Variants in COL20A1 observed in about 807,000 individuals in gnomAD.
COL20A1 encodes collagen alpha-1(XX) chain.
COL20A1 carries 164 observed loss-of-function variants against 152.9 expected under a neutral mutation model. The ratio of observed to expected loss-of-function variants is 1.07; its 90% CI spans 0.94 to 1.22. The LOEUF (loss-of-function observed/expected upper bound fraction) is 1.22. Among genes scored for constraint, COL20A1 ranks in the 50% most tolerant of loss-of-function variants. The pLI is 0.00. For missense variants in COL20A1, 1,873 were observed against 1,744.8 expected (o/e 1.07, Z -1.31); for synonymous variants, 864 against 756.0 (o/e 1.14, Z -2.34).
intron 3 of COL20A1, among the ~76,000 whole-genome samples, chr20:63,304,249 C>T (rs1287878538): frequency 3.5e-5 from 2 of 56,420 alleles, no homozygotes; most frequent in Admixed American, 2.2e-4. Context: ...TCCTCCCTCC[C>T]TTCCTCCCTC....
At position 63,305,077 on chromosome 20, in the gene COL20A1, G is replaced by T. The variant is rs749211874; in HGVS notation, c.194-340G>T. 2.6e-5 allele frequency among the ~76,000 whole-genome samples: 4 copies of T among 152,118 alleles called. No individual in the cohort carries two copies. Among genetic ancestry groups the T allele is most frequent in the Non-Finnish European group, 5.9e-5 (4 of 68,018 alleles). ...CCCCGGACTCTTCCTTCTTGGACCT[G>T]GCCCCTCGGGTCGTCATCCCCTCCC... On this transcript the variant is annotated intron_variant, in intron 3 of 35. Transcript: ENST00000358894. This position sits in a 1 kb window ranked among gnomAD's most constrained non-coding sequence, Gnocchi z 4.9.
chr20:63,321,013 A>G lies in COL20A1; in HGVS notation c.3154A>G (p.Arg1052Gly). 6.4e-7 allele frequency: 1 copy of G among 1,571,788 alleles called. No individual in the cohort carries two copies. Among genetic ancestry groups the G allele is most frequent in the African/African-American group, 1.4e-5 (1 of 73,814 alleles). Residue 1052 changes from arginine to glycine, a missense_variant and splice_region_variant, in exon 26 of 36, where the codon AGG (arginine) becomes GGG (glycine). Transcript: ENST00000358894. ...ATGGGCAGGGTCTCTCTTCTTCCAG[A>G]GGGATGGAGAGACCTGCCCCGCCTT... is the stretch of plus-strand genomic sequence containing the variant. Reference protein sequence around the residue: ...EDRCCELPASRDGETCPAFVS... With the variant: ...EDRCCELPASGDGETCPAFVS...
chr20:63,323,165 A>G (rs1019830461), intron 27 of COL20A1, among the ~76,000 whole-genome samples: 1 of 152,242 alleles, frequency 6.6e-6, no homozygotes, highest in Non-Finnish European at 1.5e-5. Context: ...AAAGTTGCCA[A>G]TATTTTCTTG....
chr20:63,330,188 G>T (rs2068314015), intron 35 of COL20A1, among the ~76,000 whole-genome samples: 1 of 152,126 alleles, frequency 6.6e-6, no homozygotes, highest in Non-Finnish European at 1.5e-5. Context: ...GACCCTGTGT[G>T]CAAACTTAGC....
chr20:63,313,319 C>G lies in COL20A1; in HGVS notation c.2209+70C>G, dbSNP rs181359490. On this transcript the variant is annotated intron_variant, in intron 17 of 35. Transcript: ENST00000358894. This position sits in a 1 kb window ranked among gnomAD's most constrained non-coding sequence, Gnocchi z 5.9. Reference sequence around the variant, plus strand: ...TGGCCCAGGGGATCCCTGACTCACCCGCTGCACAGGCCCAGGACCCTAGAC... The same window carrying G: ...TGGCCCAGGGGATCCCTGACTCACCGGCTGCACAGGCCCAGGACCCTAGAC... 76,223 of 1,505,238 alleles carry G rather than the reference C, an allele frequency of 0.051. 2,278 individuals carry two copies. Among genetic ancestry groups the G allele is most frequent in the South Asian group, 0.073 (5,749 of 79,240 alleles). 93.2% of individuals were successfully genotyped at this position (1,505,238 alleles called of 1,614,324 possible). A position where few individuals can be genotyped will look rare whatever the true frequency, so the allele number is the denominator to read the frequency against.
Position 63,295,253 on chromosome 20 carries a change from G to A in COL20A1, c.82+64G>A, listed in dbSNP as rs551578950. ...CCACGCCTGCCCCACCAGTGCCCAC[G>A]CGGGACGAGCCCTCCGCCCCTGAGC... On this transcript the variant is annotated intron_variant, in intron 2 of 35. Transcript: ENST00000358894. 286 of 1,094,672 alleles carry A rather than the reference G, an allele frequency of 2.6e-4. No homozygotes were observed. The African/African-American group carries it at 3.8e-3, about 14-fold the overall frequency. The allele number at this position is 1,094,672 out of a possible 1,614,324, so 67.8% of individuals were successfully genotyped here.
rs2068278526 is a variant in COL20A1 at position 63,328,094 on chromosome 20, C to T, written c.3580C>T (p.Leu1194Phe). The T allele has an allele frequency of 6.2e-7, 1 of 1,613,456 alleles. No homozygotes were observed. Among genetic ancestry groups the T allele is most frequent in the African/African-American group, 1.3e-5 (1 of 75,034 alleles). The change falls in exon 33 of 36, where the codon CTT becomes TTT. Residue 1194 changes from leucine to phenylalanine, a missense_variant. Coordinates refer to ENST00000358894, the MANE Select transcript of COL20A1 (RefSeq NM_020882.4). The part of the protein sequence containing the change: ...ERGEKGEPQS[L>F]ATLYQLVSQA... ...TCCCTTCCAGGGCGAGCCGCAGTCC[C>T]TTGCCACCCTCTACCAGCTTGTGAG... is the stretch of plus-strand genomic sequence containing the variant.
rs1021530774 is a variant in COL20A1, at chr20:63,328,132, G to A, written c.3613+5G>A. On this transcript the variant is annotated splice_donor_5th_base_variant and intron_variant, in intron 33 of 35. Transcript: ENST00000358894. ...ACCAGCTTGTGAGCCAGGCCTGTGA[G>A]TCTGCCATTCAGAGTGAGTGAGGCC... is the stretch of plus-strand genomic sequence containing the variant. 2 of 1,612,930 alleles carry A rather than the reference G, an allele frequency of 1.2e-6. No individual in the cohort carries two copies. Among genetic ancestry groups the A allele is most frequent in the African/African-American group, 1.3e-5 (1 of 74,896 alleles).
At chr20:63,325,078 T>C (rs1601439708) in intron 27 of COL20A1, 1 of 383,304 alleles carries the variant, frequency 2.6e-6, no homozygotes, top group East Asian at 6.5e-5. Flanking sequence ...CTGCTGTGGG[T>C]TCTCCCAGAC....
rs777924541 is a variant in COL20A1, at chr20:63,309,886, C to T, written c.1234C>T (p.Arg412Ter). 8 of 1,609,036 alleles carry T rather than the reference C, an allele frequency of 5.0e-6. No individual in the cohort carries two copies. In the South Asian group the frequency reaches 6.6e-5, roughly 13 times the overall value. ...CCCCCTCAAGTATCTGATCGTTTGG[C>T]GAGCCTCTAGAGGTGGCACCCCCAG... ...RHPLKYLIVW[R>*]ASRGGTPREV... is the part of the protein sequence containing the mutation. Residue 412 changes from arginine to a stop codon, truncating the protein, a stop_gained, in exon 10 of 36, where the codon CGA (arginine) becomes TGA (stop). Coordinates refer to ENST00000358894, the MANE Select transcript of COL20A1 (RefSeq NM_020882.4). LOFTEE classifies it high-confidence loss of function.
chr20:63,297,292 C>G (rs887461083), intron 2 of COL20A1, among the ~76,000 whole-genome samples: 1 of 139,564 alleles, frequency 7.2e-6, no homozygotes, highest in East Asian at 2.0e-4. Context: ...GGGGACCCAG[C>G]CTGGGGACTC....
chr20:63,321,627 C>T (rs2068164176), intron 26 of COL20A1, among the ~76,000 whole-genome samples: 2 of 152,202 alleles, frequency 1.3e-5, no homozygotes, highest in South Asian at 2.1e-4. Flanking sequence ...TCTACCCAGG[C>T]CTCAGGGAGG....
chr20:63,315,584 C>T (rs1316196459), intron 20 of COL20A1, 145 bp downstream of exon 20: 4 of 721,138 alleles, frequency 5.5e-6, no homozygotes, highest in Non-Finnish European at 8.9e-6. Flanking sequence ...CCACAGACGT[C>T]CCTGTGGCTG....
At chr20:63,296,054 A>G (rs1210578274) in intron 2 of COL20A1, among the ~76,000 whole-genome samples, 1 of 152,234 alleles carries the variant, frequency 6.6e-6, no homozygotes, top group African/African-American at 2.4e-5. Flanking sequence ...TGCCGCTGCC[A>G]TTGCAGAAGG....
At chr20:63,299,123 C>T (rs201372885) in intron 3 of COL20A1, among the ~76,000 whole-genome samples, 4 of 152,274 alleles carry the variant, frequency 2.6e-5, no homozygotes, top group Admixed American at 2.0e-4. Context: ...GTATAGTATT[C>T]CCCTGTGTGA....
intron 3 of COL20A1, among the ~76,000 whole-genome samples, chr20:63,301,684 G>GT (rs996753697): frequency 6.6e-6 from 1 of 152,004 alleles, no homozygotes; most frequent in African/African-American, 2.4e-5. Flanking sequence ...CTCTAGTGCT[G>GT]TTTTTTTCCT....
At chr20:63,309,250 AGTCT>A (rs1395081176) in intron 8 of COL20A1, 79 bp from the exon 9 acceptor site, 17 of 1,138,722 alleles carry the variant, frequency 1.5e-5, no homozygotes, top group Non-Finnish European at 2.0e-5. Flanking sequence ...CTCCTGACCC[AGTCT>A]CCATGGAGAC....
At chr20:63,309,223 G>A in intron 8 of COL20A1, 110 bp from the exon 9 acceptor site, 1 of 866,718 alleles carries the variant, frequency 1.2e-6, no homozygotes, top group Non-Finnish European at 1.6e-6. Context: ...GCCGAGTACA[G>A]CCCATAGGCC....
rs374063666 is a variant in COL20A1 at position 63,320,045 on chromosome 20, G to A, written c.2923G>A (p.Val975Met). ...IFFGSFHKVH[V>M]AVGRSKVRLY... ...CTCCCGTGCCGTCTCACAGGTGCAC[G>A]TGGCTGTGGGCCGCTCCAAGGTCAG... The change falls in exon 24 of 36, where the codon GTG becomes ATG. Residue 975 changes from valine (V) to methionine (M), a missense_variant. Coordinates refer to ENST00000358894, the MANE Select transcript of COL20A1 (RefSeq NM_020882.4). 1.7e-4 allele frequency: 259 copies of A among 1,553,564 alleles called. No homozygotes were observed. The highest frequency in any genetic ancestry group is 2.2e-4 in the Non-Finnish European group (256 of 1,149,384).
Sources: allele counts gnomAD v4.1 joint callset (sites outside exome capture counted in the v4.1 genomes callset), GRCh38; gene constraint gnomAD v4.1.1; non-coding constraint Gnocchi (gnomAD v3.1); transcripts MANE v1.5; gene names NCBI Gene and HGNC (gene_info 2026-07-23, HGNC 2026-07-21).